Variants in VWA2 observed in about 807,000 individuals in gnomAD.
VWA2 encodes von Willebrand factor A domain-containing protein 2.
A neutral mutation model predicts 70.4 loss-of-function variants in VWA2; 73 were observed. The ratio of observed to expected loss-of-function variants is 1.04; its 90% confidence interval spans 0.86 to 1.26. VWA2 has a LOEUF of 1.26. VWA2 is among the 50% of genes most tolerant of loss of function. The pLI, the probability that VWA2 is intolerant of heterozygous loss-of-function variation, is 0.00. For missense variants in VWA2, 1,011 were observed against 998.5 expected, an observed-to-expected ratio of 1.01 and a Z score of -0.17; for synonymous variants, 407 against 423.3, an observed-to-expected ratio of 0.96 and a Z score of 0.47.
At position 114,289,407 on chromosome 10, in the gene VWA2, TC is replaced by T. The variant is rs901829994; in HGVS notation, c.2044del (p.Arg682GlyfsTer4). 6.2e-7 allele frequency: 1 copy of T among 1,606,608 alleles called. No individual in the cohort carries two copies. The highest frequency in any genetic ancestry group is 8.5e-7 in the Non-Finnish European group (1 of 1,173,326). On this transcript the variant is annotated frameshift_variant, in exon 12 of 14. Coordinates refer to ENST00000392982, the MANE Select transcript of VWA2 (RefSeq NM_001272046.2). LOFTEE classifies it high-confidence loss of function. ...GTGAGGGTCTGCGGAGGCTTGCAGG[TC>T]CCCGGGATTCCCTGATCCACGTGGC... Reference protein sequence around the residue: ...LSEGLRRLAGPRDSLIHVAAY... With the variant: ...LSEGLRRLAGXRDSLIHVAAY...
At chr10:114,247,489 C>G (rs2037096550) in intron 1 of VWA2, among the ~76,000 whole-genome samples, 1 of 152,084 alleles carries the variant, frequency 6.6e-6, no homozygotes, top group African/African-American at 2.4e-5. Context: ...AGTAGAGACA[C>G]TGTTTCACCG....
At chr10:114,255,176 T>A in intron 4 of VWA2, 128 bp downstream of exon 4, 1 of 1,195,000 alleles carries the variant, frequency 8.4e-7, no homozygotes, top group Non-Finnish European at 1.2e-6. Flanking sequence ...TGAATCCTGG[T>A]TCCTGGCATG....
At chr10:114,272,613 A>G (rs1326602623) in intron 5 of VWA2, 127 bp from the exon 6 acceptor site, 18 of 807,810 alleles carry the variant, frequency 2.2e-5, no homozygotes, top group Middle Eastern at 3.4e-4. Context: ...TATCACTTTC[A>G]GCCTCTGCTA....
chr10:114,287,327 C>T (rs1203926026), intron 11 of VWA2, among the ~76,000 whole-genome samples: 1 of 152,112 alleles, frequency 6.6e-6, no homozygotes, highest in Non-Finnish European at 1.5e-5. Flanking sequence ...ACTACAGGTG[C>T]ACACCACCAT....
rs2039248882 is a variant in VWA2 at position 114,288,958 on chromosome 10, G to A, written c.1591G>A (p.Asp531Asn). The change falls in exon 12 of 14, where the codon GAC becomes AAC. Residue 531 changes from aspartate to asparagine, a missense_variant. Transcript: ENST00000392982. The stretch of plus-strand genomic sequence containing the variant: ...TGCAGGGTGCCGGACACAAGCCCTG[G>A]ACCTCGTCTTCATGTTGGACACCTC... ...QRPGCRTQALDLVFMLDTSAS... is the reference protein window; with the variant it reads ...QRPGCRTQALNLVFMLDTSAS... 6.2e-7 allele frequency: 1 copy of A among 1,611,592 alleles called. No individual in the cohort carries two copies. Among genetic ancestry groups the A allele is most frequent in the East Asian group, 2.2e-5 (1 of 44,834 alleles).
At chr10:114,284,565 C>T (rs2038611935) in intron 9 of VWA2, among the ~76,000 whole-genome samples, 2 of 152,174 alleles carry the variant, frequency 1.3e-5, no homozygotes, top group South Asian at 4.1e-4. Context: ...CTTGAGGCAC[C>T]CACACTTGAT....
rs115588533 is a variant in VWA2, at chr10:114,281,783, A to G, written c.834-733A>G. The G allele has an allele frequency of 6.4e-4, 629 of 982,664 alleles. 1 individual carries two copies. The African/African-American group carries it at 0.01, about 16-fold the overall frequency. 60.9% of individuals were successfully genotyped at this position (982,664 alleles called of 1,614,324 possible). On this transcript the variant is annotated intron_variant, in intron 8 of 13. Coordinates refer to ENST00000392982, the MANE Select transcript of VWA2 (RefSeq NM_001272046.2). ...TCTCCCCATCGAAGCTTTAAGGAAT[A>G]CAGTTGAAAAGTGAAGATAGAATTA...
At chr10:114,254,715 C>T (rs187927313) in intron 3 of VWA2, among the ~76,000 whole-genome samples, 200 bp from the exon 4 acceptor site, 6 of 152,278 alleles carry the variant, frequency 3.9e-5, no homozygotes, top group South Asian at 2.1e-4. Context: ...AAGGCTTTCA[C>T]GTAAGGGCAC....
chr10:114,250,180 C>T (rs1410542327), intron 2 of VWA2, among the ~76,000 whole-genome samples: 3 of 152,218 alleles, frequency 2.0e-5, no homozygotes, highest in African/African-American at 7.2e-5. Flanking sequence ...TAAAAAATGA[C>T]ATCTTTTCCA....
chr10:114,288,053 A>G (rs1157001678), intron 11 of VWA2, among the ~76,000 whole-genome samples: 2 of 152,154 alleles, frequency 1.3e-5, no homozygotes, highest in Non-Finnish European at 2.9e-5. Flanking sequence ...TAGAATTTCC[A>G]GTGGTTCCCC....
At chr10:114,274,197 G>A (rs1247044174) in intron 6 of VWA2, among the ~76,000 whole-genome samples, 1 of 152,252 alleles carries the variant, frequency 6.6e-6, no homozygotes, top group Non-Finnish European at 1.5e-5. Context: ...GGGTGGAAGA[G>A]CCAGGAGTCA....
intron 5 of VWA2, among the ~76,000 whole-genome samples, chr10:114,270,787 G>A (rs1467836109): frequency 2.0e-5 from 3 of 152,192 alleles, no homozygotes; most frequent in Non-Finnish European, 4.4e-5. Context: ...TCAGTGGCGT[G>A]AGTGTAGTCT....
intron 11 of VWA2, 70 bp from the exon 12 acceptor site, chr10:114,288,868 G>A (rs1216848221): frequency 5.9e-6 from 9 of 1,527,688 alleles, no homozygotes; most frequent in Non-Finnish European, 7.9e-6. Flanking sequence ...CAACCTGGCA[G>A]TCCCTGGGTC....
intron 11 of VWA2, among the ~76,000 whole-genome samples, chr10:114,287,727 A>C (rs2039088724): frequency 6.6e-6 from 1 of 152,146 alleles, no homozygotes; most frequent in African/African-American, 2.4e-5. Context: ...TATAGGAAAA[A>C]ATAATTGACA....
At chr10:114,260,481 C>T (rs1036782711) in intron 4 of VWA2, among the ~76,000 whole-genome samples, 1 of 152,094 alleles carries the variant, frequency 6.6e-6, no homozygotes, top group Non-Finnish European at 1.5e-5. Flanking sequence ...GCAGGTCTGG[C>T]GGGGCTGACC....
At chr10:114,291,009 G>T (rs544968832) in intron 13 of VWA2, among the ~76,000 whole-genome samples, 1 of 152,260 alleles carries the variant, frequency 6.6e-6, no homozygotes, top group South Asian at 2.1e-4. Context: ...CGGAGCCTTG[G>T]TTTTTTGGCC....
intron 11 of VWA2, among the ~76,000 whole-genome samples, chr10:114,287,599 G>A (rs1484584142): frequency 6.6e-6 from 1 of 152,140 alleles, no homozygotes; most frequent in Non-Finnish European, 1.5e-5. Flanking sequence ...CCTCCTGTAA[G>A]GCGGAAGGAC....
intron 9 of VWA2, among the ~76,000 whole-genome samples, chr10:114,284,294 G>A (rs917094205): frequency 2.0e-5 from 3 of 152,048 alleles, no homozygotes; most frequent in Non-Finnish European, 4.4e-5. Context: ...GACTTTCTGC[G>A]GATTAATTCA....
rs2037435326 is a variant in VWA2, at chr10:114,261,096, G to A, written c.262-90G>A. ...GTGTTTGTTGAGTGGATGGGAGGCA[G>A]GGTTGTTAACTTTTCTTGCCCCTTC... On this transcript the variant is annotated intron_variant, in intron 4 of 13. Transcript: ENST00000392982. The A allele has an allele frequency of 4.6e-6, 4 of 878,548 alleles. No homozygotes were observed. In the South Asian group the frequency reaches 6.2e-5, roughly 14 times the overall value. 54.4% of individuals were successfully genotyped at this position (878,548 alleles called of 1,614,324 possible).
Sources: gnomAD v4.1 joint callset for allele counts (sites outside exome capture counted in the v4.1 genomes callset) on GRCh38, gnomAD v4.1.1 for gene constraint, MANE v1.5 for transcripts, NCBI Gene and HGNC (gene_info 2026-07-23, HGNC 2026-07-21) for gene names.